STS: variants seen among roughly 807,000 people sequenced by gnomAD.
The protein encoded by STS is steroid sulfatase.
In STS, 7 loss-of-function variants were observed where a neutral mutation model predicts 26.8. The ratio of observed to expected loss-of-function variants is 0.26; its 90% confidence interval spans 0.15 to 0.49. STS has a LOEUF of 0.49. STS is among the 20% of genes least tolerant of loss of function. The pLI is 0.98. For synonymous variants in STS, 199 were observed against 189.4 expected (o/e 1.05, Z -0.42); for missense variants, 434 against 465.6 (o/e 0.93, Z 0.63).
intron 2 of STS, among the ~76,000 whole-genome samples, chrX:7,201,120 TATAG>T (rs1229547020): frequency 9.0e-6 from 1 of 110,963 alleles, no homozygotes; most frequent in African/African-American, 3.3e-5. Context: ...TAGACAGATA[TATAG>T]ATAGATGATG....
intron 8 of STS, among the ~76,000 whole-genome samples, chrX:7,312,060 A>G (rs147141146): frequency 1.1e-4 from 12 of 110,669 alleles, no homozygotes; most frequent in African/African-American, 3.9e-4. Context: ...ACAAAAAACC[A>G]CTCCAATATC....
chrX:7,339,969 G>A (rs1330574447), intron 10 of STS, among the ~76,000 whole-genome samples: 1 of 107,533 alleles, frequency 9.3e-6, no homozygotes, highest in African/African-American at 3.4e-5. Flanking sequence ...AAAATTCCTG[G>A]TCATTACTTT....
intron 1 of STS, among the ~76,000 whole-genome samples, chrX:7,169,900 G>A (rs186638580): frequency 9.3e-6 from 1 of 107,428 alleles, no homozygotes; most frequent in Non-Finnish European, 1.9e-5. Flanking sequence ...TGGTGGGGGG[G>A]GCTGGGGGGT....
At chrX:7,312,161 C>A (rs1308938233) in intron 8 of STS, among the ~76,000 whole-genome samples, 2 of 111,996 alleles carry the variant, frequency 1.8e-5, no homozygotes, top group African/African-American at 6.5e-5. Context: ...GGTCCCCCAA[C>A]CCCTTCATCT....
At chrX:7,307,404 C>A (rs1056338617) in intron 8 of STS, among the ~76,000 whole-genome samples, 2 of 111,036 alleles carry the variant, frequency 1.8e-5, no homozygotes, top group Non-Finnish European at 3.8e-5. Flanking sequence ...ACATCCACAC[C>A]GAGGTTTTGC....
chrX:7,215,404 A>G (rs1244511046), intron 2 of STS, among the ~76,000 whole-genome samples: 2 of 109,837 alleles, frequency 1.8e-5, no homozygotes, highest in Non-Finnish European at 1.9e-5. Context: ...AAATGTGGGG[A>G]CCCTCTAAGC....
Position 7,207,152 on chromosome X carries a change from T to C in STS, c.-5+16144T>C, listed in dbSNP as rs192015379. 8.8e-4 allele frequency among the ~76,000 whole-genome samples: 99 copies of C among 111,996 alleles called. 2 individuals carry two copies. The highest frequency in any genetic ancestry group is 4.6e-3 in the Middle Eastern group (1 of 218). On this transcript the variant is annotated intron_variant, in intron 2 of 10. Transcript: ENST00000674429. ...TTCCAGTGAGCTGAGATTGTACCACTGCACTTCAGCCTGGGCAACTGAGTG... is the reference window on the plus strand; with the variant it reads ...TTCCAGTGAGCTGAGATTGTACCACCGCACTTCAGCCTGGGCAACTGAGTG...
intron 6 of STS, among the ~76,000 whole-genome samples, chrX:7,264,927 G>T (rs1370548135): frequency 9.0e-6 from 1 of 110,900 alleles, no homozygotes; most frequent in Non-Finnish European, 1.9e-5. Context: ...ATCTAGTAAG[G>T]TGCACATAGA....
At chrX:7,250,644 A>G (rs1480378968) in intron 2 of STS, among the ~76,000 whole-genome samples, 4 of 112,298 alleles carry the variant, frequency 3.6e-5, no homozygotes, top group African/African-American at 1.3e-4. Flanking sequence ...AAATGGCAAA[A>G]ATGGTTTCAC....
rs1358878506 is a variant in STS at position 7,211,589 on chromosome X, G to A, written c.-5+20581G>A. On this transcript the variant is annotated intron_variant, in intron 2 of 10. Coordinates refer to ENST00000674429, the MANE Select transcript of STS (RefSeq NM_001320752.2). ...CTACTCCCACGAATTTTTCTGGGTTGGCTTGGCCTTGCCCCTTGTAGAAAG... is the reference window on the plus strand; with the variant it reads ...CTACTCCCACGAATTTTTCTGGGTTAGCTTGGCCTTGCCCCTTGTAGAAAG... 1.3e-4 allele frequency among the ~76,000 whole-genome samples: 15 copies of A among 112,108 alleles called. No individual in the cohort carries two copies. The Admixed American group carries it at 1.4e-3, about 11-fold the overall frequency.
chrX:7,235,559 C>G (rs1333658018), intron 2 of STS, among the ~76,000 whole-genome samples: 1 of 111,531 alleles, frequency 9.0e-6, no homozygotes, highest in Non-Finnish European at 1.9e-5. Flanking sequence ...AATCATGAGC[C>G]CAGGAGTTCA....
chrX:7,234,472 A>G (rs772418460), intron 2 of STS, among the ~76,000 whole-genome samples: 2 of 112,194 alleles, frequency 1.8e-5, no homozygotes, highest in African/African-American at 6.5e-5. Flanking sequence ...AAGGAAATAG[A>G]GGGACAGAGC....
rs565977578 is a variant in STS at position 7,352,727 on chromosome X, T to G, written c.*2466T>G. 3 of 111,126 alleles carry G rather than the reference T, an allele frequency of 2.7e-5. No homozygotes were observed. The South Asian group carries it at 1.2e-3, about 43-fold the overall frequency. 9.2% of individuals were successfully genotyped at this position (111,126 alleles called of 1,213,427 possible). On this transcript the variant is annotated 3_prime_UTR_variant, in exon 11 of 11. Transcript: ENST00000674429. ...TTTTGAAGCTTTAAGCAAATTCTTTTAAAAAATTCTTGTATTTCTAGCATT... is the reference window on the plus strand; with the variant it reads ...TTTTGAAGCTTTAAGCAAATTCTTTGAAAAAATTCTTGTATTTCTAGCATT...
intron 7 of STS, 45 bp downstream of exon 7, chrX:7,276,132 G>GTGTTTT (rs749478180): frequency 1.4e-5 from 17 of 1,194,375 alleles, no homozygotes; most frequent in African/African-American, 1.8e-5. Context: ...CTAAGTCTTT[G>GTGTTTT]CCTCCTTGTG....
Position 7,333,986 on chromosome X carries a change from G to A in STS, c.1242G>A (p.Arg414=), listed in dbSNP as rs1349861783. The change falls in exon 10 of 11, where the codon AGG becomes AGA. Residue 414 remains arginine (R), a splice_region_variant and synonymous_variant. Coordinates refer to ENST00000674429, the MANE Select transcript of STS (RefSeq NM_001320752.2). ...TGATGCCTGGCTGTTTATCCCACAG[G>A]ATCATTGATGGACGTGATCTGATGC... ...KLAGAPLPED[R]IIDGRDLMPL... The A allele has an allele frequency of 1.7e-6, 2 of 1,209,446 alleles. No individual in the cohort carries two copies. Among genetic ancestry groups the A allele is most frequent in the African/African-American group, 3.5e-5 (2 of 57,091 alleles).
intron 2 of STS, among the ~76,000 whole-genome samples, chrX:7,235,510 C>T (rs980639756): frequency 2.7e-5 from 3 of 111,966 alleles, no homozygotes; most frequent in African/African-American, 6.5e-5. Context: ...CATTGGTTCA[C>T]GCCTGTAATC....
At chrX:7,323,920 C>T (rs965553130) in intron 8 of STS, among the ~76,000 whole-genome samples, 7 of 110,645 alleles carry the variant, frequency 6.3e-5, no homozygotes, top group East Asian at 2.9e-4. Context: ...TGATTACACC[C>T]CTCCACTTCT....
At chrX:7,195,901 G>C (rs759201990) in intron 2 of STS, among the ~76,000 whole-genome samples, 22 of 112,359 alleles carry the variant, frequency 2.0e-4, no homozygotes, top group Non-Finnish European at 3.9e-4. Context: ...TATAACAGAA[G>C]GCAACACTGA....
At chrX:7,260,832 C>A (rs1483676723) in intron 6 of STS, among the ~76,000 whole-genome samples, 7 of 111,674 alleles carry the variant, frequency 6.3e-5, no homozygotes, top group Non-Finnish European at 1.1e-4. Flanking sequence ...TTGGATTAAT[C>A]TCTGAGCAAA....
Sources: allele counts gnomAD v4.1 joint callset (sites outside exome capture counted in the v4.1 genomes callset), GRCh38; gene constraint gnomAD v4.1.1; transcripts MANE v1.5; gene names NCBI Gene and HGNC (gene_info 2026-07-23, HGNC 2026-07-21).